Variants in DPP10 observed in about 807,000 individuals in gnomAD.
DPP10 encodes dipeptidyl peptidase like 10.
In DPP10, 33 loss-of-function variants were observed where a neutral mutation model predicts 120.9. That is an observed-to-expected ratio of 0.27 (90% confidence interval 0.21 to 0.37). The LOEUF (loss-of-function observed/expected upper bound fraction) is 0.37, where lower values mean the gene tolerates loss of function less well. Ranked by LOEUF, DPP10 falls within the 10% of genes least tolerant of loss-of-function variation. The pLI, the probability that DPP10 is intolerant of heterozygous loss-of-function variation, is 1.00. For missense variants in DPP10, 816 were observed against 942.8 expected, an observed-to-expected ratio of 0.87 and a Z score of 1.76; for synonymous variants, 337 against 326.1, an observed-to-expected ratio of 1.03 and a Z score of -0.36.
chr2:114,582,159 T>C (rs1473244644), intron 1 of DPP10, among the ~76,000 whole-genome samples: 2 of 152,222 alleles, frequency 1.3e-5, no homozygotes, highest in East Asian at 3.8e-4. Context: ...GATCTTTTTA[T>C]GTCTCCATAG....
intron 1 of DPP10, among the ~76,000 whole-genome samples, chr2:115,052,255 A>G (rs1277392062): frequency 6.6e-6 from 1 of 152,198 alleles, no homozygotes; most frequent in Non-Finnish European, 1.5e-5. Flanking sequence ...CAAATTTCAT[A>G]TATTTGAATT....
intron 1 of DPP10, among the ~76,000 whole-genome samples, chr2:114,511,695 G>A (rs1055995280): frequency 3.9e-5 from 6 of 152,194 alleles, no homozygotes; most frequent in Admixed American, 1.3e-4. Flanking sequence ...TCAGTAGAAA[G>A]TGAAGACACA....
chr2:115,231,994 G>C (rs1188695275), intron 1 of DPP10, among the ~76,000 whole-genome samples: 4 of 152,308 alleles, frequency 2.6e-5, no homozygotes, highest in African/African-American at 9.6e-5. Flanking sequence ...GTAGACTCCT[G>C]CATGTGCTTC....
intron 1 of DPP10, among the ~76,000 whole-genome samples, chr2:115,279,185 G>C (rs1237730112): frequency 1.3e-5 from 2 of 151,880 alleles, no homozygotes; most frequent in Non-Finnish European, 2.9e-5. Context: ...TCATTGATTT[G>C]ACCAGAAATG....
At chr2:115,770,311 C>T (rs531210963) in intron 13 of DPP10, among the ~76,000 whole-genome samples, 2 of 151,988 alleles carry the variant, frequency 1.3e-5, no homozygotes, top group Non-Finnish European at 2.9e-5. Flanking sequence ...TCAAACCAGC[C>T]TAATATGTAG....
intron 5 of DPP10, among the ~76,000 whole-genome samples, chr2:115,585,205 G>A (rs976377044): frequency 6.6e-6 from 1 of 152,276 alleles, no homozygotes; most frequent in East Asian, 1.9e-4. Context: ...AGTCCCAAAA[G>A]TAGATGTGAG....
intron 7 of DPP10, among the ~76,000 whole-genome samples, chr2:115,705,777 A>G (rs2092078115): frequency 6.6e-6 from 1 of 151,934 alleles, no homozygotes; most frequent in Non-Finnish European, 1.5e-5. Context: ...TATCTGAAAC[A>G]AAATCGAATG....
intron 2 of DPP10, among the ~76,000 whole-genome samples, chr2:115,323,214 C>T (rs1376316647): frequency 6.6e-6 from 1 of 152,176 alleles, no homozygotes; most frequent in Admixed American, 6.5e-5. Context: ...GTCACGTCAA[C>T]AGTGTTTACA....
chr2:114,789,375 G>A (rs1163902985), intron 1 of DPP10, among the ~76,000 whole-genome samples: 2 of 152,210 alleles, frequency 1.3e-5, no homozygotes. Flanking sequence ...GCATGTTGGA[G>A]TTTAGTCCCA....
chr2:115,161,809 C>T lies in DPP10; in HGVS notation c.61-147430C>T, dbSNP rs573449601. 5.0e-3 allele frequency: 3,698 copies of T among 746,222 alleles called. 47 individuals are homozygous for T. The highest frequency in any genetic ancestry group is 0.027 in the African/African-American group (1,452 of 53,334). 46.2% of individuals were successfully genotyped at this position (746,222 alleles called of 1,614,324 possible). A position where few individuals can be genotyped will look rare whatever the true frequency, so the allele number is the denominator to read the frequency against. ...GAGCCCGCCCGGTGCCGCTCTTCTTCCCCTCCCCGCCCCTCCGCTCCCCCC... is the reference window on the plus strand; with the variant it reads ...GAGCCCGCCCGGTGCCGCTCTTCTTTCCCTCCCCGCCCCTCCGCTCCCCCC... On this transcript the variant is annotated intron_variant, in intron 1 of 25. Transcript: ENST00000410059.
intron 1 of DPP10, among the ~76,000 whole-genome samples, chr2:115,246,629 G>A (rs955377925): frequency 4.6e-5 from 7 of 152,132 alleles, no homozygotes; most frequent in African/African-American, 1.7e-4. Context: ...CAAGTAGGGA[G>A]GAGAGGCGAC....
intron 1 of DPP10, among the ~76,000 whole-genome samples, chr2:115,170,470 A>T (rs2053233357): frequency 6.6e-6 from 1 of 152,198 alleles, no homozygotes; most frequent in Admixed American, 6.5e-5. Flanking sequence ...AATTTAGAAT[A>T]GGTCATTTGT....
chr2:115,059,175 G>T lies in DPP10; in HGVS notation c.61-250064G>T, dbSNP rs1706186765. 2.6e-5 allele frequency among the ~76,000 whole-genome samples: 4 copies of T among 151,714 alleles called. No individual in the cohort carries two copies. The South Asian group carries it at 8.3e-4, about 32-fold the overall frequency. The stretch of plus-strand genomic sequence containing the variant: ...CAAATACAGAAATATAAGGAAGAAA[G>T]AAAAAGATAAAAAGAAAGAAGAGGG... On this transcript the variant is annotated intron_variant, in intron 1 of 25. Transcript: ENST00000410059.
chr2:114,615,921 G>T (rs762850895), intron 1 of DPP10, among the ~76,000 whole-genome samples: 25 of 152,084 alleles, frequency 1.6e-4, no homozygotes, highest in Non-Finnish European at 2.1e-4. Context: ...ATCTGATAAG[G>T]TGTAGCCATA....
chr2:115,573,408 G>T (rs1336790322), intron 5 of DPP10, among the ~76,000 whole-genome samples: 3 of 148,714 alleles, frequency 2.0e-5, no homozygotes, highest in Admixed American at 1.4e-4. Context: ...TCAGCCTCCC[G>T]AGTAGCTGGG....
chr2:115,495,428 C>G (rs1575015713), intron 3 of DPP10, among the ~76,000 whole-genome samples: 1 of 126,034 alleles, frequency 7.9e-6, no homozygotes, highest in Non-Finnish European at 1.7e-5. Context: ...TAAACAAGAA[C>G]TTCCTAGAAC....
intron 5 of DPP10, among the ~76,000 whole-genome samples, chr2:115,592,361 A>T (rs1202020852): frequency 1.3e-5 from 2 of 152,018 alleles, no homozygotes; most frequent in Non-Finnish European, 2.9e-5. Flanking sequence ...GAGAAAATAG[A>T]TGGTAAATGT....
At chr2:114,822,486 C>CG (rs1333700250) in intron 1 of DPP10, among the ~76,000 whole-genome samples, 2 of 152,148 alleles carry the variant, frequency 1.3e-5, no homozygotes, top group Admixed American at 6.5e-5. Flanking sequence ...ACATTTTCCC[C>CG]GTTGTCTTGG....
chr2:115,651,988 A>G (rs553801276), intron 5 of DPP10, among the ~76,000 whole-genome samples: 2 of 152,196 alleles, frequency 1.3e-5, no homozygotes, highest in African/African-American at 4.8e-5. Flanking sequence ...AGGATGCCTT[A>G]TGATTCAGAT....
Sources: gnomAD v4.1 joint callset for allele counts (sites outside exome capture counted in the v4.1 genomes callset) on GRCh38, gnomAD v4.1.1 for gene constraint, MANE v1.5 for transcripts, NCBI Gene and HGNC (gene_info 2026-07-23, HGNC 2026-07-21) for gene names.